The following ULK4 variants were observed in gnomAD, a reference collection of about 807,000 sequenced individuals.
ULK4 encodes inactive serine/threonine-protein kinase ULK4.
A neutral mutation model predicts 160.6 loss-of-function variants in ULK4; 133 were observed. That is an observed-to-expected ratio of 0.83 (90% confidence interval 0.72 to 0.96). The LOEUF (loss-of-function observed/expected upper bound fraction) is 0.96, where lower values mean the gene tolerates loss of function less well. ULK4 is among the 40% of genes least tolerant of loss of function. The pLI, the probability that ULK4 is intolerant of heterozygous loss-of-function variation, is 0.00. For synonymous variants in ULK4, 534 were observed against 539.8 expected (o/e 0.99, Z 0.15); for missense variants, 1,580 against 1,499.5 (o/e 1.05, Z -0.89).
intron 30 of ULK4, among the ~76,000 whole-genome samples, chr3:41,645,067 A>T (rs545257800): frequency 6.6e-6 from 1 of 150,668 alleles, no homozygotes; most frequent in Admixed American, 6.6e-5. Context: ...TATTGCATCT[A>T]TTTGATTCTT....
At chr3:41,877,415 C>T (rs1697349818) in intron 17 of ULK4, among the ~76,000 whole-genome samples, 4 of 152,010 alleles carry the variant, frequency 2.6e-5, no homozygotes, top group Admixed American at 2.6e-4. Flanking sequence ...CAGCCTCCGC[C>T]TCCTGGGTTC....
At chr3:41,517,102 CA>C (rs2085775966) in intron 32 of ULK4, among the ~76,000 whole-genome samples, 1 of 152,044 alleles carries the variant, frequency 6.6e-6, no homozygotes, top group Non-Finnish European at 1.5e-5. Context: ...ATACAGATGG[CA>C]AATGAGCACA....
chr3:41,444,361 TTCTCTC>T (rs56744200), intron 34 of ULK4, among the ~76,000 whole-genome samples: 43,168 of 146,506 alleles, frequency 0.29, 6,262 homozygotes, highest in Middle Eastern at 0.33. Flanking sequence ...TTTAAGTGAC[TTCTCTC>T]TCTCTCTCTC....
intron 33 of ULK4, 53 bp from the exon 34 acceptor site, chr3:41,455,648 G>C (rs190582851): frequency 1.4e-4 from 214 of 1,573,030 alleles, no homozygotes; most frequent in Non-Finnish European, 1.6e-4. Context: ...AGTCAGCTTG[G>C]CCAAAGGAAA....
intron 35 of ULK4, among the ~76,000 whole-genome samples, chr3:41,251,462 A>T (rs1297250370): frequency 4.6e-5 from 7 of 152,222 alleles, no homozygotes. Context: ...GCAACAGGTA[A>T]ATAGGAGAGG....
chr3:41,657,386 T>C (rs1281691082), intron 30 of ULK4, among the ~76,000 whole-genome samples: 1 of 152,182 alleles, frequency 6.6e-6, no homozygotes, highest in African/African-American at 2.4e-5. Flanking sequence ...TTAAAACGCA[T>C]ATCCTTCAAA....
intron 22 of ULK4, among the ~76,000 whole-genome samples, chr3:41,752,754 A>C (rs2038674509): frequency 6.6e-6 from 1 of 152,344 alleles, no homozygotes; most frequent in South Asian, 2.1e-4. Flanking sequence ...CACTAAGAGA[A>C]AAACATTTGC....
chr3:41,876,164 G>A (rs1329204113), intron 17 of ULK4, among the ~76,000 whole-genome samples: 1 of 135,714 alleles, frequency 7.4e-6, no homozygotes, highest in African/African-American at 3.5e-5. Context: ...AGAAAAAATA[G>A]AGGAACAATT....
chr3:41,577,714 T>C (rs2088243711), intron 31 of ULK4, among the ~76,000 whole-genome samples: 1 of 152,028 alleles, frequency 6.6e-6, no homozygotes. Flanking sequence ...GACAAAGAAA[T>C]TGAATCTCTG....
chr3:41,423,990 G>T (rs1168274337), intron 34 of ULK4, among the ~76,000 whole-genome samples: 3 of 152,116 alleles, frequency 2.0e-5, no homozygotes, highest in South Asian at 4.1e-4. Flanking sequence ...GAGTTCTTGT[G>T]GGGAGGGGTG....
intron 35 of ULK4, among the ~76,000 whole-genome samples, chr3:41,269,617 G>T (rs1008762600): frequency 6.6e-6 from 1 of 152,122 alleles, no homozygotes; most frequent in African/African-American, 2.4e-5. Flanking sequence ...TTCTAAAGTT[G>T]TTTTAATGAA....
At chr3:41,596,178 C>T (rs1316660517) in intron 31 of ULK4, among the ~76,000 whole-genome samples, 1 of 151,856 alleles carries the variant, frequency 6.6e-6, no homozygotes, top group Non-Finnish European at 1.5e-5. Context: ...GAATGGAACA[C>T]TTCATGTCTC....
At chr3:41,474,821 T>TAAAAAAAAA (rs34840621) in intron 32 of ULK4, among the ~76,000 whole-genome samples, 2 of 140,838 alleles carry the variant, frequency 1.4e-5, no homozygotes, top group African/African-American at 2.7e-5. Flanking sequence ...TGATTATTAT[T>TAAAAAAAAA]AAAAAAAAAA....
At chr3:41,377,142 T>C (rs1324741040) in intron 35 of ULK4, among the ~76,000 whole-genome samples, 3 of 152,162 alleles carry the variant, frequency 2.0e-5, no homozygotes, top group Non-Finnish European at 2.9e-5. Flanking sequence ...CCCTATTTAA[T>C]AAATGGTGCT....
At chr3:41,294,958 G>A (rs904858036) in intron 35 of ULK4, among the ~76,000 whole-genome samples, 1 of 151,980 alleles carries the variant, frequency 6.6e-6, no homozygotes, top group Admixed American at 6.6e-5. Context: ...GACTCTAAAA[G>A]TTATATGGAG....
intron 17 of ULK4, among the ~76,000 whole-genome samples, chr3:41,851,821 A>G (rs1157730458): frequency 6.6e-6 from 1 of 152,196 alleles, no homozygotes; most frequent in Admixed American, 6.5e-5. Context: ...ACACCCTAAC[A>G]TCACAATTAA....
At chr3:41,931,261 C>T (rs1699586786) in intron 5 of ULK4, among the ~76,000 whole-genome samples, 1 of 152,082 alleles carries the variant, frequency 6.6e-6, no homozygotes, top group South Asian at 2.1e-4. Flanking sequence ...TATTCTCACT[C>T]GTAAGTGGGA....
At chr3:41,856,294 T>C (rs1322670163) in intron 17 of ULK4, among the ~76,000 whole-genome samples, 1 of 151,646 alleles carries the variant, frequency 6.6e-6, no homozygotes, top group Non-Finnish European at 1.5e-5. Context: ...GATACAAGGG[T>C]AAATTCACTG....
At chr3:41,918,596 T>A in intron 6 of ULK4, 56 bp from the exon 7 acceptor site, 43 of 13,828 alleles carry the variant, frequency 3.1e-3, no homozygotes, top group Non-Finnish European at 5.7e-3. Context: ...CCAATAATTC[T>A]TTTTTTTTTT....
Sources: gnomAD v4.1 joint callset for allele counts (sites outside exome capture counted in the v4.1 genomes callset) on GRCh38, gnomAD v4.1.1 for gene constraint, MANE v1.5 for transcripts, NCBI Gene and HGNC (gene_info 2026-07-23, HGNC 2026-07-21) for gene names.